TFIP11: variants seen among roughly 807,000 people sequenced by gnomAD.
The protein encoded by TFIP11 is tuftelin-interacting protein 11.
A neutral mutation model predicts 96.8 loss-of-function variants in TFIP11; 86 were observed. That is an observed-to-expected ratio of 0.89 (90% CI 0.75 to 1.06). The LOEUF is 1.06. Among genes scored for constraint, TFIP11 ranks in the 50% least tolerant of loss-of-function variants. The pLI, the probability that TFIP11 is intolerant of heterozygous loss-of-function variation, is 0.00. For synonymous variants in TFIP11, 405 were observed against 395.2 expected, an observed-to-expected ratio of 1.02 and a Z score of -0.29; for missense variants, 881 against 1,076.7, an observed-to-expected ratio of 0.82 and a Z score of 2.54.
chr22:26,506,281 C>A, intron 6 of TFIP11, 22 bp downstream of exon 6: 1 of 1,572,140 alleles, frequency 6.4e-7, no homozygotes, highest in Non-Finnish European at 8.6e-7. Context: ...CTCCATCATG[C>A]AAGACGACAA....
chr22:26,510,326 C>G, intron 3 of TFIP11, 45 bp from the exon 4 acceptor site: 1 of 1,576,440 alleles, frequency 6.3e-7, no homozygotes, highest in Non-Finnish European at 8.7e-7. Context: ...GTCCTGGGGG[C>G]AGCAGTCGAA....
At position 26,494,939 on chromosome 22, in the gene TFIP11, C is replaced by T. The variant is rs1569156381; in HGVS notation, c.1850G>A (p.Gly617Glu). Residue 617 changes from glycine (G) to glutamate (E), a missense_variant and splice_region_variant, in exon 13 of 15, where the codon GGG becomes GAG. Physicochemically the swap from Gly to Glu is moderately conservative, Grantham distance 98. Coordinates refer to ENST00000407690, the MANE Select transcript of TFIP11 (RefSeq NM_012143.4). ...AATGACTAGCTCACCAAGACACATCCCTGGAAGAGAAACCCGGTCTGTAAG... is the reference window on the plus strand; with the variant it reads ...AATGACTAGCTCACCAAGACACATCTCTGGAAGAGAAACCCGGTCTGTAAG... ...FMVKNIVPKL[G>E]MCLGELVINP... is the part of the protein sequence containing the mutation. 1.2e-6 allele frequency: 2 copies of T among 1,614,168 alleles called. No individual in the cohort carries two copies. Among genetic ancestry groups the T allele is most frequent in the Non-Finnish European group, 1.7e-6 (2 of 1,180,016 alleles).
At position 26,501,938 on chromosome 22, in the gene TFIP11, T is replaced by C. The variant is rs372358265; in HGVS notation, c.763A>G (p.Lys255Glu). The C allele has an allele frequency of 3.8e-5, 61 of 1,613,746 alleles. No homozygotes were observed. Among genetic ancestry groups the C allele is most frequent in the Non-Finnish European group, 4.9e-5 (58 of 1,179,970 alleles). Residue 255 changes from lysine (K) to glutamate (E), a missense_variant, in exon 8 of 15, where the codon AAG becomes GAG. Lys to Glu is a moderately conservative substitution (Grantham distance 56, BLOSUM62 1). Coordinates refer to ENST00000407690, the MANE Select transcript of TFIP11 (RefSeq NM_012143.4). ...ELKAKGRISKKLTAPQKELSQ... is the reference protein window; with the variant it reads ...ELKAKGRISKELTAPQKELSQ... ...AGTTCCTTCTGGGGAGCAGTGAGCT[T>C]CTTGCTAATCCTGCCCTTGGCCTTC...
At position 26,499,086 on chromosome 22, in the gene TFIP11, AT is replaced by A. The variant is rs1352104071; in HGVS notation, c.1329+17del. 6.3e-7 allele frequency: 1 copy of A among 1,592,554 alleles called. No homozygotes were observed. Among genetic ancestry groups the A allele is most frequent in the Non-Finnish European group, 8.6e-7 (1 of 1,165,394 alleles). ...CCAACCGAGAGGCAGGGATAGGTTG[AT>A]TTTCCCAGCAACTCACTTTGAGGGG... On this transcript the variant is annotated intron_variant, in intron 9 of 14. Transcript: ENST00000407690.
At chr22:26,502,112 G>C in intron 7 of TFIP11, 60 bp from the exon 8 acceptor site, 2 of 1,603,084 alleles carry the variant, frequency 1.2e-6, no homozygotes, top group Admixed American at 1.7e-5. Context: ...CCACAGGTGA[G>C]GTAGCTGAGA....
At chr22:26,498,414 G>A (rs566199114) in intron 10 of TFIP11, among the ~76,000 whole-genome samples, 19 of 152,056 alleles carry the variant, frequency 1.2e-4, no homozygotes, top group Non-Finnish European at 2.2e-4. Context: ...GTGGTGGCGT[G>A]TGCCTGTGAT....
In TFIP11 at chr22:26,491,530, C is replaced by G; in HGVS notation, c.*483G>C. 6.2e-7 allele frequency: 1 copy of G among 1,613,956 alleles called. No homozygotes were observed. Among genetic ancestry groups the G allele is most frequent in the Non-Finnish European group, 8.5e-7 (1 of 1,179,838 alleles). ...CAATACATGGACATATTTAATGATA[C>G]CTCTGTCCACTGGTTCCCTGTGCAA... On this transcript the variant is annotated 3_prime_UTR_variant, in exon 15 of 15. Transcript: ENST00000407690.
At position 26,501,138 on chromosome 22, in the gene TFIP11, C is replaced by T. The variant is rs534923748; in HGVS notation, c.801+762G>A. ...CCTTGTGATCTGCCCGCCTAGGCCTCCCAAAGTGCTGGGATTACAGGCGTG... is the reference window on the plus strand; with the variant it reads ...CCTTGTGATCTGCCCGCCTAGGCCTTCCAAAGTGCTGGGATTACAGGCGTG... On this transcript the variant is annotated intron_variant, in intron 8 of 14. Coordinates refer to ENST00000407690, the MANE Select transcript of TFIP11 (RefSeq NM_012143.4). Among the ~76,000 whole-genome samples, 9 of 152,238 alleles carry T rather than the reference C, an allele frequency of 5.9e-5. No individual in the cohort carries two copies. In the South Asian group the frequency reaches 1.5e-3, roughly 25 times the overall value.
intron 7 of TFIP11, 53 bp from the exon 8 acceptor site, chr22:26,502,105 C>T (rs779512615): frequency 6.2e-7 from 1 of 1,610,502 alleles, no homozygotes; most frequent in Admixed American, 1.7e-5. Flanking sequence ...CTTTTTACCA[C>T]AGGTGAGGTA....
chr22:26,494,657 A>C (rs879597117), intron 13 of TFIP11, 140 bp downstream of exon 13: 82 of 1,206,336 alleles, frequency 6.8e-5, no homozygotes, highest in Non-Finnish European at 8.8e-5. Context: ...GCCCACTATG[A>C]AGATGACCTA....
At chr22:26,509,116 C>T (rs1923758817) in intron 4 of TFIP11, among the ~76,000 whole-genome samples, 1 of 152,186 alleles carries the variant, frequency 6.6e-6, no homozygotes. Flanking sequence ...GCCTATTGAG[C>T]ACACCAGCAA....
chr22:26,495,623 TATGTGTATATAC>T (rs1469070742), intron 12 of TFIP11, among the ~76,000 whole-genome samples: 1 of 29,554 alleles, frequency 3.4e-5, no homozygotes, highest in Non-Finnish European at 1.0e-4. Context: ...TATATACATA[TATGTGTATATAC>T]ATGTGTATAT....
rs6005060 is a variant in TFIP11, at chr22:26,499,770, T to A, written c.802-139A>T. The A allele has an allele frequency of 0.077, 69,295 of 897,060 alleles. 3,238 individuals carry two copies. The highest frequency in any genetic ancestry group is 0.16 in the African/African-American group (9,344 of 59,730). 55.6% of individuals were successfully genotyped at this position (897,060 alleles called of 1,614,324 possible). On this transcript the variant is annotated intron_variant, in intron 8 of 14. Coordinates refer to ENST00000407690, the MANE Select transcript of TFIP11 (RefSeq NM_012143.4). ...ACAGAGCTGGAGAAGGGCAGTGTTG[T>A]AAAGTGGGAACCATACTGTCCTAGC...
chr22:26,495,754 GT>G (rs1266266994), intron 12 of TFIP11, among the ~76,000 whole-genome samples: 1 of 151,838 alleles, frequency 6.6e-6, no homozygotes, highest in South Asian at 2.1e-4. Context: ...ATAATTTAGA[GT>G]AAAATACCAC....
chr22:26,505,856 A>G (rs1370929087), intron 6 of TFIP11: 1 of 153,448 alleles, frequency 6.5e-6, no homozygotes, highest in Non-Finnish European at 1.4e-5. Flanking sequence ...GATTACAGGC[A>G]CATGCCTCCA....
chr22:26,498,770 A>C (rs1189817873), intron 10 of TFIP11, 99 bp downstream of exon 10: 1 of 868,366 alleles, frequency 1.2e-6, no homozygotes, highest in African/African-American at 1.7e-5. Flanking sequence ...GCAGAGAATT[A>C]ATCAAGGCCA....
rs1921673942 is a variant in TFIP11, at chr22:26,494,543, G to C, written c.1993-239C>G. 4 of 698,156 alleles carry C rather than the reference G, an allele frequency of 5.7e-6. No individual in the cohort carries two copies. The Admixed American group carries it at 1.1e-4, about 20-fold the overall frequency. The allele number at this position is 698,156 out of a possible 1,614,324, so 43.2% of individuals were successfully genotyped here. A position where few individuals can be genotyped will look rare whatever the true frequency, so the allele number is the denominator to read the frequency against. On this transcript the variant is annotated intron_variant, in intron 13 of 14. Transcript: ENST00000407690. The stretch of plus-strand genomic sequence containing the variant: ...TCAGCTTCCATGTCTACACAACAGG[G>C]ATACCATATCCCCTACCCCATAGGG...
intron 10 of TFIP11, among the ~76,000 whole-genome samples, chr22:26,498,157 G>A (rs958079609): frequency 1.3e-5 from 2 of 152,216 alleles, no homozygotes; most frequent in Admixed American, 6.5e-5. Context: ...ACTTATAAGT[G>A]GAAGCTAAGT....
chr22:26,498,854 T>A lies in TFIP11; in HGVS notation c.1436+15A>T, dbSNP rs1569159465. 6 of 1,594,732 alleles carry A rather than the reference T, an allele frequency of 3.8e-6. No homozygotes were observed. The highest frequency in any genetic ancestry group is 4.3e-6 in the Non-Finnish European group (5 of 1,162,492). On this transcript the variant is annotated intron_variant, in intron 10 of 14. Transcript: ENST00000407690. ...AGAAAGGAGCTGGGGTACAGAGCCCTGCTCTGTGGTGTACCTGTGAAAGGC... is the reference window on the plus strand; with the variant it reads ...AGAAAGGAGCTGGGGTACAGAGCCCAGCTCTGTGGTGTACCTGTGAAAGGC...
Sources: gnomAD v4.1 joint callset for allele counts (sites outside exome capture counted in the v4.1 genomes callset) on GRCh38, gnomAD v4.1.1 for gene constraint, MANE v1.5 for transcripts, NCBI Gene and HGNC (gene_info 2026-07-23, HGNC 2026-07-21) for gene names.